CCDC7: variants seen among roughly 807,000 people sequenced by gnomAD.
CCDC7 encodes coiled-coil domain containing 7, also known as coiled-coil domain-containing protein 7.
In CCDC7, 183 loss-of-function variants were observed where a neutral mutation model predicts 196.9. The ratio of observed to expected loss-of-function variants is 0.93; its 90% CI spans 0.82 to 1.05. The LOEUF (loss-of-function observed/expected upper bound fraction) is 1.05, where lower values mean the gene tolerates loss of function less well. CCDC7 is among the 50% of genes least tolerant of loss of function. CCDC7 has a pLI of 0.00. For missense variants in CCDC7, 1,540 were observed against 1,482.2 expected (o/e 1.04, Z -0.64); for synonymous variants, 525 against 484.6 (o/e 1.08, Z -1.10).
chr10:32,756,710 C>T (rs2076515917), intron 28 of CCDC7, among the ~76,000 whole-genome samples: 1 of 152,144 alleles, frequency 6.6e-6, no homozygotes, highest in African/African-American at 2.4e-5. Flanking sequence ...AGCAAAGTAA[C>T]CAGCTAACAT....
At chr10:32,655,104 G>A (rs186192287) in intron 20 of CCDC7, among the ~76,000 whole-genome samples, 1 of 152,106 alleles carries the variant, frequency 6.6e-6, no homozygotes, top group African/African-American at 2.4e-5. Context: ...TCAAATAGTG[G>A]TTATTCTCTA....
At chr10:32,460,850 G>A (rs995749990) in intron 3 of CCDC7, among the ~76,000 whole-genome samples, 17 of 152,112 alleles carry the variant, frequency 1.1e-4, no homozygotes, top group Non-Finnish European at 2.4e-4. Flanking sequence ...GTAGGGTAGC[G>A]TGGGGCCTGA....
At chr10:32,672,068 C>T (rs1274266182) in intron 21 of CCDC7, among the ~76,000 whole-genome samples, 1 of 151,996 alleles carries the variant, frequency 6.6e-6, no homozygotes, top group African/African-American at 2.4e-5. Flanking sequence ...TTAGTGGTGC[C>T]AATGGAGTGG....
chr10:32,536,866 A>G (rs889707601), intron 11 of CCDC7, among the ~76,000 whole-genome samples: 1 of 152,204 alleles, frequency 6.6e-6, no homozygotes, highest in African/African-American at 2.4e-5. Flanking sequence ...TCCATGGAGT[A>G]TACATATCAC....
At chr10:32,778,448 A>G (rs1027739349) in intron 28 of CCDC7, among the ~76,000 whole-genome samples, 2 of 151,944 alleles carry the variant, frequency 1.3e-5, no homozygotes, top group Non-Finnish European at 2.9e-5. Flanking sequence ...AGGAGTCCCT[A>G]TTGCTTATTT....
chr10:32,499,386 T>A (rs576628596), intron 9 of CCDC7: 1 of 152,258 alleles, frequency 6.6e-6, no homozygotes, highest in Non-Finnish European at 1.5e-5. Flanking sequence ...GAAGGAGTTT[T>A]GTTTTCTAAA....
At position 32,744,388 on chromosome 10, in the gene CCDC7, A is replaced by G. The variant is rs529191721; in HGVS notation, c.2905+14931A>G. Among the ~76,000 whole-genome samples the G allele has an allele frequency of 7.8e-3, 1,180 of 151,718 alleles. 7 individuals carry two copies. The highest frequency in any genetic ancestry group is 0.021 in the Middle Eastern group (6 of 292). On this transcript the variant is annotated intron_variant, in intron 28 of 41. Transcript: ENST00000639629. ...TCCTGCTGGTGAAAAAAAAAAAAAA[A>G]GAAACAGCCAAAGTGTCTTCCAGAG...
At chr10:32,484,801 T>C (rs1370341095) in intron 8 of CCDC7, among the ~76,000 whole-genome samples, 1 of 152,234 alleles carries the variant, frequency 6.6e-6, no homozygotes, top group Non-Finnish European at 1.5e-5. Flanking sequence ...GGATTACATT[T>C]ATTCATTTGT....
chr10:32,668,495 T>A (rs2073326715), intron 21 of CCDC7, among the ~76,000 whole-genome samples: 1 of 152,210 alleles, frequency 6.6e-6, no homozygotes, highest in Non-Finnish European at 1.5e-5. Flanking sequence ...AGTATGATAT[T>A]GGCTGTGGAT....
chr10:32,463,091 A>G (rs1388800607), intron 5 of CCDC7, 42 bp downstream of exon 6: 3 of 1,606,798 alleles, frequency 1.9e-6, no homozygotes, highest in South Asian at 1.1e-5. Context: ...ATATTTTTTA[A>G]CTCATTTGAA....
chr10:32,864,249 G>A (rs1022436772), intron 41 of CCDC7, among the ~76,000 whole-genome samples: 3 of 151,606 alleles, frequency 2.0e-5, no homozygotes, highest in Non-Finnish European at 2.9e-5. Flanking sequence ...AGAGGGTTGG[G>A]GAGAGGAGAG....
At chr10:32,563,298 A>T (rs1459967133) in intron 13 of CCDC7, among the ~76,000 whole-genome samples, 2 of 152,134 alleles carry the variant, frequency 1.3e-5, no homozygotes, top group Non-Finnish European at 2.9e-5. Flanking sequence ...GGAAAAAACT[A>T]CTTTAAAGTT....
upstream of CCDC7, among the ~76,000 whole-genome samples, chr10:32,446,891 TGCC>T: frequency 1.6e-5 from 1 of 62,354 alleles, no homozygotes; most frequent in Admixed American, 2.3e-4. Context: ...GTTGCCTGCC[TGCC>T]TGCCTGCCTG....
chr10:32,681,414 ATTGT>A (rs1162169572), intron 21 of CCDC7, among the ~76,000 whole-genome samples: 3 of 152,160 alleles, frequency 2.0e-5, no homozygotes, highest in Non-Finnish European at 4.4e-5. Flanking sequence ...CAATACAGTC[ATTGT>A]TTGTCACAAT....
At chr10:32,841,148 G>A (rs2092947196) in intron 33 of CCDC7, among the ~76,000 whole-genome samples, 1 of 151,964 alleles carries the variant, frequency 6.6e-6, no homozygotes, top group Admixed American at 6.6e-5. Flanking sequence ...GTCCTAGCCA[G>A]AGCAATCAGA....
intron 16 of CCDC7, among the ~76,000 whole-genome samples, chr10:32,581,263 T>G (rs2058705980): frequency 6.6e-6 from 1 of 152,180 alleles, no homozygotes; most frequent in Non-Finnish European, 1.5e-5. Context: ...AGACAGTGAA[T>G]GACACAAATT....
intron 41 of CCDC7, among the ~76,000 whole-genome samples, chr10:32,860,080 T>C (rs994104340): frequency 6.6e-6 from 1 of 152,178 alleles, no homozygotes; most frequent in Admixed American, 6.5e-5. Flanking sequence ...AGCATCATCC[T>C]GATACCAAAA....
intron 8 of CCDC7, among the ~76,000 whole-genome samples, chr10:32,490,752 C>T (rs1020775202): frequency 2.0e-5 from 3 of 151,962 alleles, no homozygotes; most frequent in South Asian, 2.1e-4. Context: ...GAGCTGAGAT[C>T]GCGCCACTGC....
intron 32 of CCDC7, among the ~76,000 whole-genome samples, chr10:32,833,142 A>G (rs941477959): frequency 1.3e-5 from 2 of 152,110 alleles, no homozygotes; most frequent in African/African-American, 2.4e-5. Context: ...TGGTTTTAAT[A>G]TTTATAGGTG....
Sources: gnomAD v4.1 joint callset for allele counts (sites outside exome capture counted in the v4.1 genomes callset) on GRCh38, gnomAD v4.1.1 for gene constraint, MANE v1.5 for transcripts, NCBI Gene and HGNC (gene_info 2026-07-23, HGNC 2026-07-21) for gene names.